TNKS: variants seen among roughly 807,000 people sequenced by gnomAD.
The protein encoded by TNKS is tankyrase.
Under a neutral mutation model 135.8 loss-of-function variants are expected in TNKS, and 72 were observed. The observed-to-expected ratio is 0.53, with a 90% confidence interval of 0.44 to 0.64. TNKS has a LOEUF of 0.64. TNKS is among the 30% of genes least tolerant of loss of function. The probability of loss-of-function intolerance (pLI) is 0.00; values close to 1 mark genes in which losing one functional copy is unlikely to be tolerated. For missense variants in TNKS, 1,769 were observed against 1,674.0 expected, an observed-to-expected ratio of 1.06 and a Z score of -0.99; for synonymous variants, 849 against 649.3, an observed-to-expected ratio of 1.31 and a Z score of -4.68.
At position 9,746,000 on chromosome 8, in the gene TNKS, C is replaced by G. The variant is rs138890563; in HGVS notation, c.2644-2024C>G. 7.8e-3 allele frequency among the ~76,000 whole-genome samples: 1,187 copies of G among 152,268 alleles called. 7 individuals are homozygous for G. Among genetic ancestry groups the G allele is most frequent in the Non-Finnish European group, 0.012 (803 of 68,012 alleles). The stretch of plus-strand genomic sequence containing the variant: ...CATTAAGTTGCATCTTGGGATCTTT[C>G]TTGGCCTTCCCTGTCTTTTCCCATT... On this transcript the variant is annotated intron_variant, in intron 17 of 26. Coordinates refer to ENST00000310430, the MANE Select transcript of TNKS (RefSeq NM_003747.3).
chr8:9,641,831 C>T (rs1800742717), intron 3 of TNKS, among the ~76,000 whole-genome samples: 2 of 145,916 alleles, frequency 1.4e-5, no homozygotes, highest in South Asian at 2.2e-4. Context: ...ATATATCTAT[C>T]TGCACAAGTC....
intron 2 of TNKS, among the ~76,000 whole-genome samples, chr8:9,604,617 C>A (rs1216785236): frequency 5.3e-5 from 8 of 151,668 alleles, no homozygotes; most frequent in Non-Finnish European, 1.2e-4. Context: ...AGTTGTTGTT[C>A]CTAATTTATG....
chr8:9,706,252 A>G lies in TNKS; in HGVS notation c.1268A>G (p.Lys423Arg). The change falls in exon 7 of 27, where the codon AAG (lysine) becomes AGG (arginine). Residue 423 changes from lysine to arginine, a missense_variant and splice_region_variant. Lys to Arg is a conservative substitution (Grantham distance 26). This residue lies in a region of TNKS where 523 missense variants were observed against 541.0 expected (regional missense o/e 0.97). Transcript: ENST00000310430. ...GHYEVTELLL[K>R]HGACVNAMDL... The stretch of plus-strand genomic sequence containing the variant: ...TATGAAGTCACAGAACTGCTACTAA[A>G]GGTAAGAGAAATTCAGAATATTGAG... 6.4e-7 allele frequency: 1 copy of G among 1,567,170 alleles called. No individual in the cohort carries two copies. Among genetic ancestry groups the G allele is most frequent in the African/African-American group, 1.4e-5 (1 of 72,072 alleles).
intron 2 of TNKS, among the ~76,000 whole-genome samples, chr8:9,600,501 A>G (rs1410499484): frequency 6.6e-6 from 1 of 151,916 alleles, no homozygotes; most frequent in Non-Finnish European, 1.5e-5. Context: ...TTTTGTAGAG[A>G]CAGGTCTCGC....
At chr8:9,707,045 A>T in intron 8 of TNKS, 48 bp downstream of exon 8, 1 of 1,466,338 alleles carries the variant, frequency 6.8e-7, no homozygotes, top group Non-Finnish European at 9.1e-7. Context: ...TGGAATATTT[A>T]ATTTCTGTTG....
chr8:9,607,531 G>A (rs1799275802), intron 2 of TNKS, among the ~76,000 whole-genome samples: 1 of 152,146 alleles, frequency 6.6e-6, no homozygotes, highest in Non-Finnish European at 1.5e-5. Context: ...TTTGCACTCT[G>A]TAACATCACA....
chr8:9,575,414 C>T, intron 1 of TNKS: 1 of 985,224 alleles, frequency 1.0e-6, no homozygotes, highest in Non-Finnish European at 1.2e-6. Flanking sequence ...GTCAACTCTA[C>T]CCTACTAGAT....
At chr8:9,593,258 G>A (rs1427428120) in intron 2 of TNKS, among the ~76,000 whole-genome samples, 15 of 152,220 alleles carry the variant, frequency 9.9e-5, no homozygotes, top group Non-Finnish European at 1.5e-5. Flanking sequence ...TTTGTGTCCT[G>A]TGTGTGAGGC....
chr8:9,692,952 A>C (rs1803346789), intron 5 of TNKS, among the ~76,000 whole-genome samples: 2 of 152,190 alleles, frequency 1.3e-5, no homozygotes, highest in Non-Finnish European at 2.9e-5. Context: ...TTCTCATCTA[A>C]ATATCACTCT....
intron 12 of TNKS, among the ~76,000 whole-genome samples, chr8:9,723,519 A>G (rs1306123133): frequency 6.6e-6 from 1 of 152,222 alleles, no homozygotes; most frequent in East Asian, 1.9e-4. Context: ...ACTGCTGGCA[A>G]TATTTGTGTC....
intron 26 of TNKS, among the ~76,000 whole-genome samples, chr8:9,774,186 T>G (rs967602988): frequency 6.6e-6 from 1 of 152,216 alleles, no homozygotes; most frequent in African/African-American, 2.4e-5. Context: ...ACATTAGACA[T>G]GAAGGAGAGG....
rs144305274 is a variant in TNKS, at chr8:9,750,513, G to A, written c.2833-1096G>A. 1.9e-3 allele frequency among the ~76,000 whole-genome samples: 285 copies of A among 152,216 alleles called. 1 individual carries two copies. The highest frequency in any genetic ancestry group is 6.7e-3 in the African/African-American group (279 of 41,536). On this transcript the variant is annotated intron_variant, in intron 18 of 26. Transcript: ENST00000310430. ...TCTACCTTCCGTAAGACCTCCTGTG[G>A]CAGCGTTGCCAAACTTTCTGCTACA...
At chr8:9,762,630 C>T (rs184660844) in intron 21 of TNKS, among the ~76,000 whole-genome samples, 41 of 152,208 alleles carry the variant, frequency 2.7e-4, no homozygotes, top group Admixed American at 8.5e-4. Flanking sequence ...GGGCTGGGCG[C>T]AGTGGCTCAC....
chr8:9,717,098 TA>T (rs1563187763), intron 11 of TNKS, among the ~76,000 whole-genome samples: 2 of 132,422 alleles, frequency 1.5e-5, no homozygotes, highest in African/African-American at 2.7e-5. Context: ...TATATATATA[TA>T]TATTTTCAGG....
At chr8:9,602,593 G>T (rs1329600438) in intron 2 of TNKS, among the ~76,000 whole-genome samples, 1 of 152,240 alleles carries the variant, frequency 6.6e-6, no homozygotes, top group Admixed American at 6.5e-5. Context: ...GGTGGAGCCA[G>T]TAGCCTACAC....
chr8:9,608,858 G>T (rs900350202), intron 2 of TNKS, among the ~76,000 whole-genome samples: 1 of 152,134 alleles, frequency 6.6e-6, no homozygotes, highest in Non-Finnish European at 1.5e-5. Context: ...TCTTCTTTCA[G>T]GGATCACTGT....
chr8:9,726,676 C>A lies in TNKS; in HGVS notation c.1957C>A (p.Arg653=). 1 of 1,613,254 alleles carries A rather than the reference C, an allele frequency of 6.2e-7. No homozygotes were observed. Among genetic ancestry groups the A allele is most frequent in the Non-Finnish European group, 8.5e-7 (1 of 1,179,704 alleles). ...TATACGTACTTCTGATGTTGATTAT[C>A]GACTCTTAGAGGCATCTAAAGCTGG... The part of the protein sequence containing the change: ...TPIRTSDVDY[R]LLEASKAGDL... The change falls in exon 13 of 27, where the codon CGA becomes AGA. Residue 653 remains arginine, a synonymous_variant. Coordinates refer to ENST00000310430, the MANE Select transcript of TNKS (RefSeq NM_003747.3).
chr8:9,668,985 T>G (rs1234293454), intron 3 of TNKS, among the ~76,000 whole-genome samples: 1 of 152,088 alleles, frequency 6.6e-6, no homozygotes, highest in Non-Finnish European at 1.5e-5. Context: ...AATAGGAGAA[T>G]AAACTAATTA....
intron 2 of TNKS, among the ~76,000 whole-genome samples, chr8:9,611,713 C>A (rs750458748): frequency 6.6e-6 from 1 of 152,128 alleles, no homozygotes. Context: ...AGAAAATAGT[C>A]CCACATAAAT....
Sources: gnomAD v4.1 joint callset for allele counts (sites outside exome capture counted in the v4.1 genomes callset) on GRCh38, gnomAD v4.1.1 for gene constraint, gnomAD v4.1.1 regional missense constraint, MANE v1.5 for transcripts, NCBI Gene and HGNC (gene_info 2026-07-23, HGNC 2026-07-21) for gene names.